CIMAP3: variants seen among roughly 807,000 people sequenced by gnomAD.
The protein encoded by CIMAP3 is ciliary microtubule-associated protein 3.
chr1:111,339,026 C>T, the CIMAP3 span, among the ~76,000 whole-genome samples: 1 of 152,144 alleles, frequency 6.6e-6, no homozygotes, highest in Admixed American at 6.5e-5. Flanking sequence ...GGGCATCATC[C>T]CTGGAATGCA....
chr1:111,351,414 G>C, the CIMAP3 span: 1 of 1,200,178 alleles, frequency 8.3e-7, no homozygotes, highest in Non-Finnish European at 1.2e-6. Context: ...CTACGTTACT[G>C]TGGCCCTCTT....
At chr1:111,337,345 CA>C in the CIMAP3 span, among the ~76,000 whole-genome samples, 1 of 152,088 alleles carries the variant, frequency 6.6e-6, no homozygotes, top group East Asian at 1.9e-4. Context: ...TCACACATAA[CA>C]ATATTAACTT....
chr1:111,329,553 AT>A, the CIMAP3 span, among the ~76,000 whole-genome samples: 4 of 65,818 alleles, frequency 6.1e-5, no homozygotes, highest in East Asian at 1.2e-3. Flanking sequence ...ATATATATAT[AT>A]ATATAATTTT....
At chr1:111,346,670 A>T in the CIMAP3 span, 2 of 1,614,030 alleles carry the variant, frequency 1.2e-6, no homozygotes, top group East Asian at 2.2e-5. Flanking sequence ...TCAGCAGAGC[A>T]GGTGAGGAGG....
At chr1:111,346,647 C>A in the CIMAP3 span, 5 of 1,614,168 alleles carry the variant, frequency 3.1e-6, no homozygotes, top group Non-Finnish European at 4.2e-6. Context: ...GCCCTAGCAG[C>A]TCGCGATGTG....
chr1:111,339,047 A>G, the CIMAP3 span, among the ~76,000 whole-genome samples: 4 of 152,232 alleles, frequency 2.6e-5, no homozygotes, highest in Admixed American at 1.3e-4. Flanking sequence ...AGGCTGGTTC[A>G]ATATACTCAA....
chr1:111,347,629 T>TTTTTTTTTTTTTTG, the CIMAP3 span: 1 of 1,189,352 alleles, frequency 8.4e-7, no homozygotes, highest in Non-Finnish European at 1.2e-6. Context: ...TTTCTTTTTT[T>TTTTTTTTTTTTTTG]TTTTTTTTGG....
At chr1:111,336,271 G>A in the CIMAP3 span, among the ~76,000 whole-genome samples, 1 of 152,114 alleles carries the variant, frequency 6.6e-6, no homozygotes, top group Non-Finnish European at 1.5e-5. Context: ...AAGAAAAACT[G>A]GAAACTCTAA....
chr1:111,341,841 G>A, the CIMAP3 span, among the ~76,000 whole-genome samples: 4 of 151,354 alleles, frequency 2.6e-5, no homozygotes, highest in Admixed American at 6.6e-5. Context: ...CTTATTTCTC[G>A]TTTCACTTGA....
At chr1:111,347,070 A>G in the CIMAP3 span, 1 of 1,585,580 alleles carries the variant, frequency 6.3e-7, no homozygotes, top group South Asian at 1.1e-5. Context: ...ACCTCCCCTT[A>G]GATGCTCCTC....
At chr1:111,340,518 C>T in the CIMAP3 span, among the ~76,000 whole-genome samples, 1 of 151,800 alleles carries the variant, frequency 6.6e-6, no homozygotes, top group Non-Finnish European at 1.5e-5. Context: ...AAGAAAAAAA[C>T]AAACAACCCC....
the CIMAP3 span, among the ~76,000 whole-genome samples, chr1:111,339,679 C>T: frequency 6.6e-6 from 1 of 151,844 alleles, no homozygotes; most frequent in Non-Finnish European, 1.5e-5. Flanking sequence ...AGGAGAACTA[C>T]AAACCACTGC....
At chr1:111,344,034 G>A in the CIMAP3 span, among the ~76,000 whole-genome samples, 3 of 152,228 alleles carry the variant, frequency 2.0e-5, no homozygotes, top group South Asian at 4.1e-4. Context: ...TAATGACTCT[G>A]ATATCTGGAT....
At chr1:111,348,242 T>C in the CIMAP3 span, 1 of 272,006 alleles carries the variant, frequency 3.7e-6, no homozygotes, top group African/African-American at 2.2e-5. Flanking sequence ...CTCAGTGAGG[T>C]GTTAAGCATA....
chr1:111,347,093 A>G, the CIMAP3 span: 2 of 1,531,072 alleles, frequency 1.3e-6, no homozygotes, highest in African/African-American at 1.4e-5. Context: ...TTCCCCGGCT[A>G]TTGAGGGATA....
At chr1:111,331,750 T>C in the CIMAP3 span, among the ~76,000 whole-genome samples, 1 of 151,298 alleles carries the variant, frequency 6.6e-6, no homozygotes, top group Non-Finnish European at 1.5e-5. Flanking sequence ...TGGTGTGGGG[T>C]GGTGACATGT....
the CIMAP3 span, among the ~76,000 whole-genome samples, chr1:111,331,294 G>A: frequency 1.3e-5 from 2 of 152,116 alleles, no homozygotes; most frequent in Non-Finnish European, 2.9e-5. Context: ...ATTTAAATAT[G>A]TTTCCCTCAC....
chr1:111,351,372 C>A, the CIMAP3 span: 1 of 1,441,142 alleles, frequency 6.9e-7, no homozygotes, highest in Non-Finnish European at 9.4e-7. Context: ...CACAGACTCT[C>A]CAGGACTGAG....
At chr1:111,350,210 C>A in the CIMAP3 span, 1 of 1,610,234 alleles carries the variant, frequency 6.2e-7, no homozygotes, top group Non-Finnish European at 8.5e-7. Flanking sequence ...CAGAAAAGAA[C>A]CCTAAAAGCT....
Sources: gnomAD v4.1 joint callset for allele counts (sites outside exome capture counted in the v4.1 genomes callset) on GRCh38, gnomAD v4.1.1 for gene constraint, MANE v1.5 for transcripts, NCBI Gene and HGNC (gene_info 2026-07-23, HGNC 2026-07-21) for gene names.